Variants in TMEM74 observed in about 807,000 individuals in gnomAD.
TMEM74 encodes transmembrane protein 74.
In TMEM74, 13 loss-of-function variants were observed where a neutral mutation model predicts 18.1. That is an observed-to-expected ratio of 0.72 (90% CI 0.47 to 1.14). The LOEUF (loss-of-function observed/expected upper bound fraction) is 1.14. Ranked by LOEUF, TMEM74 falls within the 50% of genes most tolerant of loss-of-function variation. The pLI, the probability that TMEM74 is intolerant of heterozygous loss-of-function variation, is 0.00. For synonymous variants in TMEM74, 159 were observed against 146.6 expected, an observed-to-expected ratio of 1.08 and a Z score of -0.61; for missense variants, 372 against 375.9, an observed-to-expected ratio of 0.99 and a Z score of 0.09.
At position 108,756,744 on chromosome 8, in the gene TMEM74, G is replaced by GAAA. The variant is rs1220362101; in HGVS notation, n.119+30731_119+30732insTTT. Among the ~76,000 whole-genome samples the GAAA allele has an allele frequency of 2.6e-3, 136 of 52,706 alleles. 1 individual carries two copies. The highest frequency in any genetic ancestry group is 0.025 in the Middle Eastern group (1 of 40). 34.6% of individuals were successfully genotyped at this position (52,706 alleles called of 152,430 possible). ...AGAGAAAGAAAGAAAGAGAAAGAAA[G>GAAA]AAGGGAGGGAGGGAGGGAGGGAGGG... On this transcript the variant is annotated intron_variant and non_coding_transcript_variant, in intron 1 of 3. Coordinates refer to the TMEM74 transcript ENST00000518838.
At chr8:108,651,218 A>G (rs1173042993) in intron 2 of TMEM74, among the ~76,000 whole-genome samples, 1 of 152,164 alleles carries the variant, frequency 6.6e-6, no homozygotes, top group Non-Finnish European at 1.5e-5. Flanking sequence ...TGGTTATGAC[A>G]TTGCTGGAAT....
At chr8:108,634,473 C>T (rs968459817) in intron 2 of TMEM74, among the ~76,000 whole-genome samples, 3 of 151,994 alleles carry the variant, frequency 2.0e-5, no homozygotes, top group Non-Finnish European at 2.9e-5. Flanking sequence ...TTTGGAAAGA[C>T]AGCTGTCCTG....
chr8:108,726,035 A>G lies in TMEM74; in HGVS notation n.119+61441T>C, dbSNP rs551554789. Among the ~76,000 whole-genome samples the G allele has an allele frequency of 5.9e-5, 9 of 152,322 alleles. 1 individual carries two copies. In the South Asian group the frequency reaches 1.9e-3, roughly 32 times the overall value. On this transcript the variant is annotated intron_variant and non_coding_transcript_variant, in intron 1 of 3. Coordinates refer to the TMEM74 transcript ENST00000518838. ...CACCTGGGTAAATAAGGATTGTAAT[A>G]CACAATATACTATCAGATTTATTAT...
intron 1 of TMEM74, among the ~76,000 whole-genome samples, chr8:108,756,921 T>C (rs962145552): frequency 6.6e-5 from 10 of 152,038 alleles, no homozygotes; most frequent in African/African-American, 2.4e-4. Context: ...AAGAATGAAG[T>C]TGAACCAGGG....
chr8:108,697,254 C>T (rs1813289465), intron 1 of TMEM74, among the ~76,000 whole-genome samples: 1 of 152,164 alleles, frequency 6.6e-6, no homozygotes, highest in African/African-American at 2.4e-5. Context: ...AGAGCTTCAA[C>T]AGAGCTCTGT....
At chr8:108,645,336 C>T (rs981628259) in intron 2 of TMEM74, among the ~76,000 whole-genome samples, 1 of 152,062 alleles carries the variant, frequency 6.6e-6, no homozygotes, top group South Asian at 2.1e-4. Context: ...GTAAAATTGA[C>T]ACTGGAAACT....
At chr8:108,744,180 C>G (rs371651053) in intron 1 of TMEM74, among the ~76,000 whole-genome samples, 1 of 152,068 alleles carries the variant, frequency 6.6e-6, no homozygotes, top group African/African-American at 2.4e-5. Flanking sequence ...GTTTTGGTGT[C>G]GATCTGACGT....
At chr8:108,626,588 G>A (rs936650699) in intron 2 of TMEM74, 3 of 152,070 alleles carry the variant, frequency 2.0e-5, no homozygotes, top group Non-Finnish European at 4.4e-5. Flanking sequence ...TGGCTGTGGA[G>A]GTGGTCTGGG....
downstream of TMEM74, among the ~76,000 whole-genome samples, chr8:108,774,190 C>G (rs574320238): frequency 6.6e-6 from 1 of 152,178 alleles, no homozygotes; most frequent in Admixed American, 6.5e-5. Flanking sequence ...GTGGAACAGA[C>G]TGGCTAGCTG....
At chr8:108,710,918 A>G (rs1813468295) in intron 1 of TMEM74, among the ~76,000 whole-genome samples, 1 of 152,162 alleles carries the variant, frequency 6.6e-6, no homozygotes, top group Admixed American at 6.5e-5. Context: ...TTCCCATGTT[A>G]TGGCTACATG....
chr8:108,608,070 G>A lies in TMEM74; in HGVS notation n.340-305C>T, dbSNP rs577888786. On this transcript the variant is annotated intron_variant and non_coding_transcript_variant, in intron 3 of 3. Coordinates refer to the TMEM74 transcript ENST00000518838. ...TGTAATCCCAGCACTTTGGGAGGCCGAGGCGGGTGGATCACAAGGTCATGA... is the reference window on the plus strand; with the variant it reads ...TGTAATCCCAGCACTTTGGGAGGCCAAGGCGGGTGGATCACAAGGTCATGA... Among the ~76,000 whole-genome samples the A allele has an allele frequency of 3.3e-5, 5 of 152,132 alleles. No individual in the cohort carries two copies. In the East Asian group the frequency reaches 5.8e-4, roughly 18 times the overall value.
chr8:108,660,719 T>C (rs931989697), intron 1 of TMEM74, among the ~76,000 whole-genome samples: 2 of 152,196 alleles, frequency 1.3e-5, no homozygotes, highest in Non-Finnish European at 2.9e-5. Context: ...CCTGCCCCTT[T>C]TTCATCTTTT....
chr8:108,785,684 G>A (rs1814376417), intron 1 of TMEM74, among the ~76,000 whole-genome samples: 2 of 152,280 alleles, frequency 1.3e-5, no homozygotes, highest in Middle Eastern at 6.8e-3. Flanking sequence ...CCTATCAGCT[G>A]GGCAGGAACT....
chr8:108,614,805 G>A (rs1397248938), intron 2 of TMEM74, among the ~76,000 whole-genome samples: 1 of 152,060 alleles, frequency 6.6e-6, no homozygotes, highest in African/African-American at 2.4e-5. Flanking sequence ...TCATAGAAGA[G>A]CCTGAATAAA....
intron 1 of TMEM74, among the ~76,000 whole-genome samples, chr8:108,737,006 G>A (rs1192401778): frequency 6.6e-6 from 1 of 151,972 alleles, no homozygotes; most frequent in Admixed American, 6.6e-5. Flanking sequence ...AAAGACAAAC[G>A]TTTAACTTTA....
intron 1 of TMEM74, among the ~76,000 whole-genome samples, chr8:108,664,753 C>T (rs1178014990): frequency 6.6e-6 from 1 of 151,968 alleles, no homozygotes; most frequent in African/African-American, 2.4e-5. Context: ...CCCCATATAA[C>T]CTAGAAGAAA....
chr8:108,763,105 A>G (rs1324211757), intron 1 of TMEM74, among the ~76,000 whole-genome samples: 1 of 152,092 alleles, frequency 6.6e-6, no homozygotes, highest in African/African-American at 2.4e-5. Context: ...CATCTAATCC[A>G]TATTTCATGG....
chr8:108,635,740 T>C lies in TMEM74; in HGVS notation n.264+19553A>G, dbSNP rs1482319983. ...GAAGATTTCTCTGACTATTCCAGCC[T>C]GCAACCTTGACTAATTTTTTTACTA... On this transcript the variant is annotated intron_variant and non_coding_transcript_variant, in intron 2 of 3. Transcript: ENST00000518838. Among the ~76,000 whole-genome samples the C allele has an allele frequency of 2.6e-5, 4 of 152,076 alleles. 1 individual carries two copies. Among genetic ancestry groups the C allele is most frequent in the African/African-American group, 9.6e-5 (4 of 41,454 alleles).
intron 2 of TMEM74, among the ~76,000 whole-genome samples, chr8:108,653,536 G>A (rs1044072915): frequency 4.6e-5 from 7 of 152,044 alleles, no homozygotes; most frequent in Non-Finnish European, 7.4e-5. Context: ...AAAAGTTTAT[G>A]TAACAAGGAA....
Sources: allele counts gnomAD v4.1 joint callset (sites outside exome capture counted in the v4.1 genomes callset), GRCh38; gene constraint gnomAD v4.1.1; transcripts MANE v1.5; gene names NCBI Gene and HGNC (gene_info 2026-07-23, HGNC 2026-07-21).